VPS29: variants seen among roughly 807,000 people sequenced by gnomAD.
VPS29 encodes VPS29 retromer complex component.
A neutral mutation model predicts 20.0 loss-of-function variants in VPS29; 2 were observed. The ratio of observed to expected loss-of-function variants is 0.10; its 90% CI spans 0.04 to 0.31. The LOEUF is 0.31. VPS29 is among the 10% of genes least tolerant of loss of function. The probability of loss-of-function intolerance (pLI) is 1.00; values close to 1 mark genes in which losing one functional copy is unlikely to be tolerated. For synonymous variants in VPS29, 81 were observed against 79.3 expected (o/e 1.02, Z -0.12); for missense variants, 120 against 215.3 (o/e 0.56, Z 2.77).
chr12:110,497,203 CTTTCTTTTT>C (rs2062920669), intron 1 of VPS29, among the ~76,000 whole-genome samples: 11 of 87,014 alleles, frequency 1.3e-4, no homozygotes, highest in African/African-American at 4.6e-4. Context: ...TTAAAAATTT[CTTTCTTTTT>C]TTTTTTTTTT....
intron 2 of VPS29, among the ~76,000 whole-genome samples, chr12:110,495,272 T>C (rs554199992): frequency 3.9e-5 from 6 of 152,228 alleles, no homozygotes; most frequent in African/African-American, 9.6e-5. Context: ...CTTACTTTAC[T>C]TAAAAAGGAT....
chr12:110,499,586 G>T, intron 1 of VPS29: 3 of 1,350,570 alleles, frequency 2.2e-6, no homozygotes, highest in African/African-American at 1.7e-5. Flanking sequence ...CAGGGGGGAT[G>T]AAAAAAAAAG....
At chr12:110,499,400 A>C (rs1489710256) in intron 1 of VPS29, 8 of 1,295,982 alleles carry the variant, frequency 6.2e-6, no homozygotes, top group Middle Eastern at 1.9e-4. Context: ...TATTAAATTA[A>C]AATAAAGAGC....
chr12:110,499,514 G>A (rs1172543277), intron 1 of VPS29: 1 of 1,612,728 alleles, frequency 6.2e-7, no homozygotes, highest in South Asian at 1.1e-5. Context: ...CTGTTAGTAG[G>A]AGCTAAGTGA....
At position 110,493,169 on chromosome 12, in the gene VPS29, A is replaced by G. The variant is rs1063336; in HGVS notation, c.258T>C (p.His86=). The G allele has an allele frequency of 6.2e-7, 1 of 1,611,190 alleles. No homozygotes were observed. Among genetic ancestry groups the G allele is most frequent in the Non-Finnish European group, 8.5e-7 (1 of 1,178,644 alleles). Residue 86 remains histidine (H), a synonymous_variant, in exon 3 of 4, where the codon CAT becomes CAC. Coordinates refer to ENST00000549578, the MANE Select transcript of VPS29 (RefSeq NM_016226.5). ...TVGQFKIGLI[H]GHQVIPWGDM... is the part of the protein sequence containing the mutation. ...CTCCCCATGGAATAACTTGATGTCC[A>G]TGGATCAGACCAATTTTGAACTGTC... is the stretch of plus-strand genomic sequence containing the variant.
chr12:110,497,492 C>T (rs2062927437), intron 1 of VPS29, among the ~76,000 whole-genome samples: 1 of 151,530 alleles, frequency 6.6e-6, no homozygotes. Context: ...GCTAGGATTA[C>T]AGGCATGAGT....
At chr12:110,501,849 C>T (rs1207408637) in intron 1 of VPS29, 200 bp downstream of exon 1, 3 of 1,353,686 alleles carry the variant, frequency 2.2e-6, no homozygotes, top group Non-Finnish European at 2.0e-6. Flanking sequence ...GGATACGAGA[C>T]CTAGGCCAGC....
chr12:110,496,096 T>C lies in VPS29; in HGVS notation c.111A>G (p.Thr37=), dbSNP rs760681634. ...AACTCTCTTTGGTGCAAAGGTTTCC[T>C]GTGCAGAGAATGTGCTGAATTTTTC... is the stretch of plus-strand genomic sequence containing the variant. ...VPGKIQHILC[T]GNLCTKESYD... is the part of the protein sequence containing the mutation. Residue 37 remains threonine, a synonymous_variant, in exon 2 of 4, where the codon ACA becomes ACG. Coordinates refer to ENST00000549578, the MANE Select transcript of VPS29 (RefSeq NM_016226.5). 3 of 1,614,128 alleles carry C rather than the reference T, an allele frequency of 1.9e-6. No individual in the cohort carries two copies. Among genetic ancestry groups the C allele is most frequent in the Non-Finnish European group, 2.5e-6 (3 of 1,179,962 alleles).
At chr12:110,496,784 T>G (rs2062914016) in intron 1 of VPS29, 1 of 152,224 alleles carries the variant, frequency 6.6e-6, no homozygotes, top group South Asian at 2.1e-4. Context: ...CTGACAACTA[T>G]GTGCAAGCAT....
intron 1 of VPS29, chr12:110,496,503 A>G (rs2062908554): frequency 4.7e-6 from 1 of 212,986 alleles, no homozygotes; most frequent in Non-Finnish European, 9.4e-6. Flanking sequence ...AAACAGTTGC[A>G]TATATAAAAT....
intron 3 of VPS29, 37 bp from the exon 4 acceptor site, chr12:110,492,159 C>CT: frequency 2.1e-6 from 3 of 1,436,322 alleles, no homozygotes; most frequent in Non-Finnish European, 2.9e-6. Context: ...TGTTTTGTAG[C>CT]ACAAAGCAGC....
rs943494380 is a variant in VPS29, at chr12:110,502,068, G to A, written c.-17C>T. The stretch of plus-strand genomic sequence containing the variant: ...CCTCACCATCCTGTCACCGGGCTCC[G>A]CTCAGTCACCACCACCGTCGCCGCC... On this transcript the variant is annotated 5_prime_UTR_variant, in exon 1 of 4. Transcript: ENST00000549578. The A allele has an allele frequency of 1.2e-6, 2 of 1,610,884 alleles. No individual in the cohort carries two copies. The highest frequency in any genetic ancestry group is 1.7e-6 in the Non-Finnish European group (2 of 1,179,332).
chr12:110,491,252 A>G lies in VPS29; in HGVS notation c.*753T>C, dbSNP rs1355683107. 3 of 151,702 alleles carry G rather than the reference A, an allele frequency of 2.0e-5. No individual in the cohort carries two copies. The highest frequency in any genetic ancestry group is 4.4e-5 in the Non-Finnish European group (3 of 67,964). The allele number at this position is 151,702 out of a possible 1,614,324, so 9.4% of individuals were successfully genotyped here. A position where few individuals can be genotyped will look rare whatever the true frequency, so the allele number is the denominator to read the frequency against. On this transcript the variant is annotated 3_prime_UTR_variant, in exon 4 of 4. Transcript: ENST00000549578. ...GTAGCACCATGCTGGCTAATTTTGT[A>G]TTTTTAGTACAGACAGGGTTTCACC...
chr12:110,492,831 C>A, intron 3 of VPS29, 165 bp downstream of exon 3: 1 of 628,218 alleles, frequency 1.6e-6, no homozygotes, highest in South Asian at 2.0e-5. Flanking sequence ...ACCATATTGT[C>A]TAGGCTGGTC....
At chr12:110,498,270 C>G (rs1335177408) in intron 1 of VPS29, among the ~76,000 whole-genome samples, 1 of 152,164 alleles carries the variant, frequency 6.6e-6, no homozygotes, top group African/African-American at 2.4e-5. Context: ...CTGCGCCCAG[C>G]CCAACAGAAT....
Position 110,498,945 on chromosome 12 carries a change from G to A in VPS29, c.4-2742C>T. On this transcript the variant is annotated intron_variant, in intron 1 of 3. Transcript: ENST00000549578. Reference sequence around the variant, plus strand: ...TAATAGATTTCTATATTTAAAAGAAGAAGAAGAACAACAACAACAACCACC... The same window carrying A: ...TAATAGATTTCTATATTTAAAAGAAAAAGAAGAACAACAACAACAACCACC... The A allele has an allele frequency of 4.9e-6, 3 of 618,426 alleles. 1 individual carries two copies. The highest frequency in any genetic ancestry group is 6.1e-6 in the Non-Finnish European group (3 of 495,160). The allele number at this position is 618,426 out of a possible 1,614,324, so 38.3% of individuals were successfully genotyped here.
chr12:110,498,392 A>G (rs931061646), intron 1 of VPS29, among the ~76,000 whole-genome samples: 2 of 152,236 alleles, frequency 1.3e-5, no homozygotes, highest in Non-Finnish European at 2.9e-5. Flanking sequence ...TAAAGGCATG[A>G]CTATTCTTTA....
rs1461732843 is a variant in VPS29 at position 110,502,072 on chromosome 12, A to G, written c.-21T>C. 2.5e-6 allele frequency: 4 copies of G among 1,610,494 alleles called. No individual in the cohort carries two copies. The highest frequency in any genetic ancestry group is 2.7e-5 in the African/African-American group (2 of 74,864). On this transcript the variant is annotated 5_prime_UTR_variant, in exon 1 of 4. Transcript: ENST00000549578. Reference sequence around the variant, plus strand: ...ACCATCCTGTCACCGGGCTCCGCTCAGTCACCACCACCGTCGCCGCCCTCT... The same window carrying G: ...ACCATCCTGTCACCGGGCTCCGCTCGGTCACCACCACCGTCGCCGCCCTCT...
chr12:110,497,218 T>C (rs1387299803), intron 1 of VPS29, among the ~76,000 whole-genome samples: 1 of 131,984 alleles, frequency 7.6e-6, no homozygotes, highest in Non-Finnish European at 1.6e-5. Context: ...TTTTTTTTTT[T>C]TTTTTTTTTT....
Sources: gnomAD v4.1 joint callset for allele counts (sites outside exome capture counted in the v4.1 genomes callset) on GRCh38, gnomAD v4.1.1 for gene constraint, MANE v1.5 for transcripts, NCBI Gene and HGNC (gene_info 2026-07-23, HGNC 2026-07-21) for gene names.